Variants in NAV3 observed in about 807,000 individuals in gnomAD.
The protein encoded by NAV3 is neuron navigator 3.
In NAV3, 87 loss-of-function variants were observed where a neutral mutation model predicts 244.7. The ratio of observed to expected loss-of-function variants is 0.36; its 90% confidence interval spans 0.30 to 0.42. The LOEUF (loss-of-function observed/expected upper bound fraction) is 0.42. NAV3 is among the 20% of genes least tolerant of loss of function. NAV3 has a pLI of 1.00. For synonymous variants in NAV3, 1,126 were observed against 1,042.2 expected (o/e 1.08, Z -1.55); for missense variants, 2,663 against 2,893.3 (o/e 0.92, Z 1.83).
intron 2 of NAV3, among the ~76,000 whole-genome samples, chr12:77,576,834 A>C (rs770274958): frequency 6.6e-6 from 1 of 152,044 alleles, no homozygotes; most frequent in Non-Finnish European, 1.5e-5. Context: ...TCATTAAATG[A>C]GGCCATTTAA....
At chr12:77,710,388 A>G (rs1156256116) in intron 2 of NAV3, among the ~76,000 whole-genome samples, 1 of 148,812 alleles carries the variant, frequency 6.7e-6, no homozygotes, top group Non-Finnish European at 1.5e-5. Flanking sequence ...GATAACTATT[A>G]TTTTGGATGC....
rs186590896 is a variant in NAV3, at chr12:77,579,939, G to A, written c.72+7673G>A. Among the ~76,000 whole-genome samples the A allele has an allele frequency of 8.7e-4, 132 of 152,254 alleles. 1 individual carries two copies. The highest frequency in any genetic ancestry group is 2.9e-3 in the African/African-American group (122 of 41,560). ...AATGATAGTTACAGCAGTTGAAACA[G>A]TGCTTCACATGTGAAAAACAATAAC... is the stretch of plus-strand genomic sequence containing the variant. On this transcript the variant is annotated intron_variant, in intron 2 of 8. Transcript: ENST00000550042.
intron 3 of NAV3, among the ~76,000 whole-genome samples, chr12:77,960,146 A>G (rs989308554): frequency 2.0e-5 from 3 of 151,984 alleles, no homozygotes; most frequent in Non-Finnish European, 4.4e-5. Context: ...ACATGAGTTC[A>G]TGTATATCAG....
At chr12:78,183,545 G>A (rs1325597124) in intron 30 of NAV3, among the ~76,000 whole-genome samples, 1 of 151,800 alleles carries the variant, frequency 6.6e-6, no homozygotes, top group Non-Finnish European at 1.5e-5. Flanking sequence ...TCAAACCCTG[G>A]CTTGGATGAA....
At chr12:78,168,918 A>C (rs1957889286) in intron 24 of NAV3, 52 bp downstream of exon 24, 1 of 1,206,234 alleles carries the variant, frequency 8.3e-7, no homozygotes. Flanking sequence ...CATCTATTTT[A>C]TTTATTAATT....
chr12:77,738,701 T>C (rs1343343180), intron 2 of NAV3, among the ~76,000 whole-genome samples: 3 of 152,092 alleles, frequency 2.0e-5, no homozygotes, highest in Non-Finnish European at 4.4e-5. Flanking sequence ...AGAGGCAGAA[T>C]AGGAGAGTGG....
intron 2 of NAV3, among the ~76,000 whole-genome samples, chr12:77,647,421 G>A (rs1592537252): frequency 6.6e-6 from 1 of 150,940 alleles, no homozygotes; most frequent in East Asian, 1.9e-4. Context: ...AAACAGCTCT[G>A]TGCTACAACC....
At chr12:77,757,761 G>A (rs1476413356) in intron 2 of NAV3, among the ~76,000 whole-genome samples, 1 of 152,070 alleles carries the variant, frequency 6.6e-6, no homozygotes, top group Admixed American at 6.6e-5. Context: ...AATTTTCTTG[G>A]ATGTTTAGTT....
intron 2 of NAV3, among the ~76,000 whole-genome samples, chr12:77,716,087 TG>T (rs1229359372): frequency 3.9e-5 from 6 of 152,096 alleles, no homozygotes; most frequent in Non-Finnish European, 7.4e-5. Context: ...TCTTAGAATT[TG>T]TCATACTCCT....
chr12:77,746,884 C>A (rs1868573858), intron 2 of NAV3, among the ~76,000 whole-genome samples: 1 of 152,046 alleles, frequency 6.6e-6, no homozygotes, highest in Non-Finnish European at 1.5e-5. Flanking sequence ...CTTCTTAGTT[C>A]TGCTGCATGT....
intron 5 of NAV3, among the ~76,000 whole-genome samples, chr12:77,993,837 G>A (rs1228144459): frequency 6.6e-6 from 1 of 150,386 alleles, no homozygotes; most frequent in African/African-American, 2.5e-5. Context: ...TGCATGCACA[G>A]CAACCGGATT....
chr12:78,065,328 C>T (rs934498806), intron 12 of NAV3, among the ~76,000 whole-genome samples: 5 of 152,152 alleles, frequency 3.3e-5, no homozygotes, highest in Admixed American at 3.3e-4. Context: ...GGCCTCCTGC[C>T]TGCCTGAGGC....
chr12:78,044,246 T>A (rs1010449884), intron 9 of NAV3, among the ~76,000 whole-genome samples: 5 of 152,112 alleles, frequency 3.3e-5, no homozygotes, highest in African/African-American at 1.2e-4. Context: ...ATTGTAGATG[T>A]GTGGTGTTAT....
At chr12:77,643,557 G>T (rs1192568356) in intron 2 of NAV3, among the ~76,000 whole-genome samples, 2 of 151,608 alleles carry the variant, frequency 1.3e-5, no homozygotes, top group African/African-American at 4.8e-5. Context: ...AATTCTAATG[G>T]TATAGTTACC....
At chr12:78,157,522 C>G (rs553936139) in intron 22 of NAV3, among the ~76,000 whole-genome samples, 62 of 152,072 alleles carry the variant, frequency 4.1e-4, no homozygotes, top group African/African-American at 1.4e-3. Context: ...GGTTGTGGCA[C>G]TGCACTCCAG....
intron 2 of NAV3, among the ~76,000 whole-genome samples, chr12:77,723,514 A>G (rs1380210304): frequency 6.6e-6 from 1 of 151,986 alleles, no homozygotes; most frequent in Non-Finnish European, 1.5e-5. Flanking sequence ...TGATAAACAA[A>G]ATAAATAGGA....
At chr12:77,679,379 T>G (rs1874348247) in intron 2 of NAV3, among the ~76,000 whole-genome samples, 1 of 152,014 alleles carries the variant, frequency 6.6e-6, no homozygotes, top group Admixed American at 6.6e-5. Flanking sequence ...TTAAGATAAC[T>G]TACAAATGAA....
chr12:77,793,009 C>T (rs145157397), intron 2 of NAV3, among the ~76,000 whole-genome samples: 31 of 152,240 alleles, frequency 2.0e-4, no homozygotes, highest in East Asian at 9.6e-4. Flanking sequence ...CATGGTCCCA[C>T]GTGCTTAGTT....
intron 2 of NAV3, among the ~76,000 whole-genome samples, chr12:77,777,951 A>G (rs879558840): frequency 4.6e-5 from 7 of 151,954 alleles, no homozygotes; most frequent in Admixed American, 4.6e-4. Flanking sequence ...GACTACAGGT[A>G]CGCACCACAA....
Sources: gnomAD v4.1 joint callset for allele counts (sites outside exome capture counted in the v4.1 genomes callset) on GRCh38, gnomAD v4.1.1 for gene constraint, MANE v1.5 for transcripts, NCBI Gene and HGNC (gene_info 2026-07-23, HGNC 2026-07-21) for gene names.